ZYG11A: variants seen among roughly 807,000 people sequenced by gnomAD.
ZYG11A encodes zyg-11 family member A, cell cycle regulator, also known as protein zyg-11 homolog A.
A neutral mutation model predicts 77.2 loss-of-function variants in ZYG11A; 62 were observed. The observed-to-expected ratio is 0.80, with a 90% CI of 0.65 to 0.99. ZYG11A has a LOEUF of 0.99. Ranked by LOEUF, ZYG11A falls within the 50% of genes least tolerant of loss-of-function variation. The pLI, the probability that ZYG11A is intolerant of heterozygous loss-of-function variation, is 0.00. For synonymous variants in ZYG11A, 315 were observed against 324.6 expected, an observed-to-expected ratio of 0.97 and a Z score of 0.32; for missense variants, 828 against 896.8, an observed-to-expected ratio of 0.92 and a Z score of 0.98.
At chr1:52,871,581 C>CT (rs1232310613) in intron 8 of ZYG11A, among the ~76,000 whole-genome samples, 1 of 151,902 alleles carries the variant, frequency 6.6e-6, no homozygotes, top group Non-Finnish European at 1.5e-5. Context: ...ACTGCAACCT[C>CT]TGTCTCCCGG....
At chr1:52,847,397 T>C (rs1645610315) in intron 1 of ZYG11A, among the ~76,000 whole-genome samples, 1 of 151,858 alleles carries the variant, frequency 6.6e-6, no homozygotes. Context: ...ACAGGGTTTC[T>C]CCATGTTGGT....
intron 1 of ZYG11A, among the ~76,000 whole-genome samples, chr1:52,847,602 A>G (rs533266609): frequency 1.8e-4 from 27 of 150,176 alleles, no homozygotes; most frequent in African/African-American, 6.4e-4. Flanking sequence ...ATCTGAGAAT[A>G]TATTTCATTT....
At chr1:52,878,017 C>G (rs1207122440) in intron 10 of ZYG11A, 48 bp downstream of exon 10, 1 of 1,474,332 alleles carries the variant, frequency 6.8e-7, no homozygotes, top group Non-Finnish European at 9.3e-7. Flanking sequence ...AAAGCAAAAC[C>G]TAACACTTAT....
chr1:52,881,552 A>T lies in ZYG11A; in HGVS notation c.1831A>T (p.Ser611Cys), dbSNP rs1646362270. Residue 611 changes from serine (S) to cysteine (C), a missense_variant, in exon 11 of 14, where the codon AGC (serine) becomes TGC (cysteine). Coordinates refer to ENST00000371528, the MANE Select transcript of ZYG11A (RefSeq NM_001004339.3). The part of the protein sequence containing the change: ...VLKHINSLLC[S>C]REMEVSYFAA... ...GAAGCATATCAACAGTTTACTCTGT[A>T]GCAGGGAAATGGAAGTCAGCTATTT... 1 of 1,552,152 alleles carries T rather than the reference A, an allele frequency of 6.4e-7. No homozygotes were observed. Among genetic ancestry groups the T allele is most frequent in the Non-Finnish European group, 8.7e-7 (1 of 1,147,082 alleles).
At chr1:52,866,429 C>A in intron 5 of ZYG11A, 74 bp from the exon 6 acceptor site, 2 of 856,658 alleles carry the variant, frequency 2.3e-6, no homozygotes, top group Non-Finnish European at 1.8e-6. Context: ...AGTAATACTT[C>A]CAAATACATG....
At chr1:52,877,123 C>G (rs566078128) in intron 8 of ZYG11A, among the ~76,000 whole-genome samples, 6 of 152,200 alleles carry the variant, frequency 3.9e-5, no homozygotes, top group East Asian at 1.9e-4. Context: ...CTTCCTCCCC[C>G]TCTCCCCCCA....
chr1:52,847,908 C>T (rs1469631416), intron 1 of ZYG11A, among the ~76,000 whole-genome samples: 2 of 146,714 alleles, frequency 1.4e-5, no homozygotes, highest in South Asian at 4.3e-4. Flanking sequence ...CTCGCTCTGT[C>T]GCCTAGGCTG....
intron 2 of ZYG11A, among the ~76,000 whole-genome samples, chr1:52,855,785 C>T (rs1220532642): frequency 6.6e-6 from 1 of 152,162 alleles, no homozygotes; most frequent in Non-Finnish European, 1.5e-5. Context: ...GGACATACCA[C>T]ATTGTATTTA....
intron 13 of ZYG11A, among the ~76,000 whole-genome samples, chr1:52,888,299 T>A (rs907462310): frequency 4.6e-5 from 7 of 152,188 alleles, no homozygotes; most frequent in African/African-American, 1.7e-4. Flanking sequence ...AGATGGAGGA[T>A]CTGAAAATTA....
intron 13 of ZYG11A, among the ~76,000 whole-genome samples, chr1:52,889,016 G>A (rs1646492767): frequency 1.3e-5 from 2 of 152,166 alleles, no homozygotes; most frequent in Non-Finnish European, 2.9e-5. Context: ...GAATTCAGTT[G>A]AGTACTTATT....
intron 1 of ZYG11A, among the ~76,000 whole-genome samples, chr1:52,851,503 T>A (rs1645709991): frequency 6.6e-6 from 1 of 152,072 alleles, no homozygotes; most frequent in Admixed American, 6.6e-5. Flanking sequence ...GTACAAGCGT[T>A]TCTCCTGCCT....
At chr1:52,851,704 GTTTAT>G (rs568658186) in intron 1 of ZYG11A, among the ~76,000 whole-genome samples, 121 of 151,452 alleles carry the variant, frequency 8.0e-4, no homozygotes, top group African/African-American at 2.7e-3. Flanking sequence ...CCGGCACACA[GTTTAT>G]TTTATTATTT....
intron 8 of ZYG11A, among the ~76,000 whole-genome samples, chr1:52,871,984 A>G (rs912587707): frequency 2.0e-5 from 3 of 152,238 alleles, no homozygotes; most frequent in African/African-American, 7.2e-5. Context: ...TCTTATGCTT[A>G]TGAGTATTTA....
At chr1:52,846,867 CT>C (rs35227167) in intron 1 of ZYG11A, among the ~76,000 whole-genome samples, 2,155 of 139,346 alleles carry the variant, frequency 0.015, 51 homozygotes, top group African/African-American at 0.051. Flanking sequence ...TTCACATTTA[CT>C]TTTTTTTTTT....
chr1:52,854,841 A>G (rs1296471510), intron 2 of ZYG11A, among the ~76,000 whole-genome samples: 5 of 151,094 alleles, frequency 3.3e-5, no homozygotes, highest in Non-Finnish European at 2.9e-5. Flanking sequence ...ACTTACGTAA[A>G]GTTATCACTC....
intron 5 of ZYG11A, 108 bp downstream of exon 5, chr1:52,864,265 A>G: frequency 6.1e-6 from 7 of 1,149,144 alleles, no homozygotes; most frequent in Non-Finnish European, 8.5e-6. Context: ...GTTTTTTTAA[A>G]GACAGAGTCT....
Position 52,842,845 on chromosome 1 carries a change from C to T in ZYG11A, c.-39C>T. The T allele has an allele frequency of 2.0e-6, 3 of 1,519,610 alleles. No individual in the cohort carries two copies. Among genetic ancestry groups the T allele is most frequent in the South Asian group, 1.2e-5 (1 of 81,086 alleles). 94.1% of individuals were successfully genotyped at this position (1,519,610 alleles called of 1,614,324 possible). On this transcript the variant is annotated 5_prime_UTR_variant, in exon 1 of 14. The change creates a new upstream start codon in the 5' untranslated region. Coordinates refer to ENST00000371528, the MANE Select transcript of ZYG11A (RefSeq NM_001004339.3). The stretch of plus-strand genomic sequence containing the variant: ...TCGCGGGATCCGGGCTCCGGCTCGA[C>T]GCCGGCTCTCTTTTTGACGCCCCGC...
intron 11 of ZYG11A, among the ~76,000 whole-genome samples, chr1:52,885,377 T>G (rs1297206622): frequency 6.6e-6 from 1 of 151,560 alleles, no homozygotes; most frequent in African/African-American, 2.4e-5. Flanking sequence ...AATTTTTTTT[T>G]GTATTTTTAG....
In ZYG11A at chr1:52,865,735, T is replaced by C. The variant is rs977037719; in HGVS notation, c.1327-768T>C. 5.9e-5 allele frequency among the ~76,000 whole-genome samples: 9 copies of C among 152,194 alleles called. No homozygotes were observed. In the East Asian group the frequency reaches 1.7e-3, roughly 29 times the overall value. ...AAAGAGCAGAAGTACATGATTCCAT[T>C]TGCATAACACCTTAAAAAAACTAAT... On this transcript the variant is annotated intron_variant, in intron 5 of 13. Coordinates refer to ENST00000371528, the MANE Select transcript of ZYG11A (RefSeq NM_001004339.3).
Sources: allele counts gnomAD v4.1 joint callset (sites outside exome capture counted in the v4.1 genomes callset), GRCh38; gene constraint gnomAD v4.1.1; transcripts MANE v1.5; gene names NCBI Gene and HGNC (gene_info 2026-07-23, HGNC 2026-07-21).